The following TEK variants were observed in gnomAD, a reference collection of about 807,000 sequenced individuals.
TEK encodes the protein TEK receptor tyrosine kinase.
In TEK, 43 loss-of-function variants were observed where a neutral mutation model predicts 131.8. The ratio of observed to expected loss-of-function variants is 0.33; its 90% confidence interval spans 0.26 to 0.42. TEK has a LOEUF of 0.42. Ranked by LOEUF, TEK falls within the 10% of genes least tolerant of loss-of-function variation. The probability of loss-of-function intolerance (pLI) is 1.00; values close to 1 mark genes in which losing one functional copy is unlikely to be tolerated. For synonymous variants in TEK, 580 were observed against 491.6 expected (o/e 1.18, Z -2.38); for missense variants, 1,162 against 1,384.4 (o/e 0.84, Z 2.55).
At chr9:27,217,839 A>T in intron 19 of TEK, 81 bp downstream of exon 19, 1 of 1,277,660 alleles carries the variant, frequency 7.8e-7, no homozygotes, top group Non-Finnish European at 1.1e-6. Flanking sequence ...AAAAAGATAC[A>T]GGAATGTCCT....
intron 1 of TEK, among the ~76,000 whole-genome samples, chr9:27,126,189 T>G (rs1821981756): frequency 1.3e-5 from 2 of 152,184 alleles, no homozygotes; most frequent in East Asian, 3.9e-4. Context: ...GCTGATTCAT[T>G]AACATTGAAC....
In TEK at chr9:27,109,709, T is replaced by C. The variant is rs1821256117; in HGVS notation, c.52+67T>C. ...AACAGAGTTAGTGATTTCTGGGTGCTCTCCCCAAATCTCATCAGTGCTGAT... is the reference window on the plus strand; with the variant it reads ...AACAGAGTTAGTGATTTCTGGGTGCCCTCCCCAAATCTCATCAGTGCTGAT... On this transcript the variant is annotated intron_variant, in intron 1 of 22. Coordinates refer to ENST00000380036, the MANE Select transcript of TEK (RefSeq NM_000459.5). The C allele has an allele frequency of 2.0e-6, 3 of 1,504,800 alleles. No individual in the cohort carries two copies. The East Asian group carries it at 7.0e-5, about 35-fold the overall frequency. 93.2% of individuals were successfully genotyped at this position (1,504,800 alleles called of 1,614,324 possible).
intron 21 of TEK, among the ~76,000 whole-genome samples, chr9:27,227,555 G>A (rs1340821274): frequency 6.6e-6 from 1 of 152,182 alleles, no homozygotes; most frequent in Non-Finnish European, 1.5e-5. Flanking sequence ...GTGGCCATGA[G>A]CCATTTCCTA....
chr9:27,229,788 G>A lies in TEK; in HGVS notation c.*556G>A, dbSNP rs857. ...TCCCTCACCTGTAGCAGCCAGTCCC[G>A]TTTCATTTAGTCATGTGACCACTCT... On this transcript the variant is annotated 3_prime_UTR_variant, in exon 23 of 23. Coordinates refer to ENST00000380036, the MANE Select transcript of TEK (RefSeq NM_000459.5). 26,796 of 161,090 alleles carry A rather than the reference G, an allele frequency of 0.17. 2,367 individuals are homozygous for A. The highest frequency in any genetic ancestry group is 0.22 in the Admixed American group (3,806 of 17,280). 10.0% of individuals were successfully genotyped at this position (161,090 alleles called of 1,614,324 possible).
chr9:27,192,912 C>T (rs1213111492), intron 11 of TEK, among the ~76,000 whole-genome samples: 2 of 152,166 alleles, frequency 1.3e-5, no homozygotes, highest in Non-Finnish European at 2.9e-5. Flanking sequence ...AAGGCAGGGC[C>T]TCCCCTAGGA....
intron 1 of TEK, among the ~76,000 whole-genome samples, chr9:27,112,449 G>A (rs1168897351): frequency 3.3e-5 from 5 of 152,262 alleles, no homozygotes; most frequent in Middle Eastern, 3.4e-3. Context: ...TCCCTTCCAA[G>A]CATTGTCTTT....
intron 1 of TEK, among the ~76,000 whole-genome samples, chr9:27,116,140 A>G (rs1821549837): frequency 6.6e-6 from 1 of 152,138 alleles, no homozygotes; most frequent in Non-Finnish European, 1.5e-5. Context: ...TTGGTTGTAT[A>G]TGGAAGGTTG....
chr9:27,126,306 C>T (rs1434117232), intron 1 of TEK, among the ~76,000 whole-genome samples: 2 of 152,108 alleles, frequency 1.3e-5, no homozygotes, highest in African/African-American at 4.8e-5. Context: ...GGCACTTCAG[C>T]ACTAGACTTG....
Position 27,190,630 on chromosome 9 carries a change from A to C in TEK, c.1429A>C (p.Lys477Gln), listed in dbSNP as rs1330823411. ...SEPYFGDGPI[K>Q]SKKLLYKPVN... ...GCCTTACTTTGGGGATGGACCAATC[A>C]AATCCAAGAAGCTTCTATACAAACC... The change falls in exon 10 of 23, where the codon AAA (lysine) becomes CAA (glutamine). Residue 477 changes from lysine to glutamine, a missense_variant. Physicochemically the swap from Lys to Gln is moderately conservative, Grantham distance 53. Around this residue, in one of 6 missense-constraint regions of TEK, gnomAD observed 477 missense variants for 471.0 expected, o/e 1.01. Coordinates refer to ENST00000380036, the MANE Select transcript of TEK (RefSeq NM_000459.5). The C allele has an allele frequency of 9.9e-6, 16 of 1,613,940 alleles. No individual in the cohort carries two copies. The highest frequency in any genetic ancestry group is 1.7e-5 in the Admixed American group (1 of 59,976).
chr9:27,214,873 C>G (rs1379467635), intron 18 of TEK, among the ~76,000 whole-genome samples: 2 of 152,226 alleles, frequency 1.3e-5, no homozygotes, highest in Middle Eastern at 3.4e-3. Flanking sequence ...GCTTTTCTCC[C>G]TAACCTTTTC....
At chr9:27,223,259 C>T (rs139126287) in intron 21 of TEK, among the ~76,000 whole-genome samples, 5 of 151,830 alleles carry the variant, frequency 3.3e-5, no homozygotes, top group Admixed American at 2.6e-4. Flanking sequence ...TTGAATTCAG[C>T]TCTGGACCAA....
At chr9:27,123,068 A>AAAAAAAAAAC (rs1821857810) in intron 1 of TEK, among the ~76,000 whole-genome samples, 1 of 149,500 alleles carries the variant, frequency 6.7e-6, no homozygotes, top group East Asian at 1.9e-4. Context: ...AAAAAAAAAA[A>AAAAAAAAAAC]AAAAAAAAAA....
intron 1 of TEK, among the ~76,000 whole-genome samples, chr9:27,146,351 A>G (rs1391197742): frequency 6.6e-6 from 1 of 152,204 alleles, no homozygotes; most frequent in Non-Finnish European, 1.5e-5. Flanking sequence ...ACACTCATGT[A>G]TCTGCCACTA....
chr9:27,153,815 A>G (rs1050136773), intron 1 of TEK, among the ~76,000 whole-genome samples: 1 of 152,240 alleles, frequency 6.6e-6, no homozygotes, highest in African/African-American at 2.4e-5. Context: ...AGTGGCAGCC[A>G]TGCCTTTCAT....
intron 1 of TEK, among the ~76,000 whole-genome samples, chr9:27,121,514 AT>A (rs1343412346): frequency 6.7e-6 from 1 of 149,588 alleles, no homozygotes; most frequent in Non-Finnish European, 1.5e-5. Flanking sequence ...TTGTATACAT[AT>A]GTATTTTTAT....
intron 1 of TEK, among the ~76,000 whole-genome samples, chr9:27,139,548 T>C (rs1822641968): frequency 6.6e-6 from 1 of 151,924 alleles, no homozygotes. Context: ...AGTCTTGAAC[T>C]CCTGACCTTA....
chr9:27,161,875 C>G (rs1436753796), intron 2 of TEK, among the ~76,000 whole-genome samples: 1 of 152,162 alleles, frequency 6.6e-6, no homozygotes, highest in Non-Finnish European at 1.5e-5. Context: ...TAACTATTAC[C>G]AATTACATTA....
At chr9:27,159,521 G>A (rs537865756) in intron 2 of TEK, among the ~76,000 whole-genome samples, 2 of 152,210 alleles carry the variant, frequency 1.3e-5, no homozygotes, top group Non-Finnish European at 2.9e-5. Context: ...TTTAGCAGTC[G>A]AGTACCCAGG....
Position 27,185,505 on chromosome 9 carries a change from G to A in TEK, c.1203G>A (p.Thr401=), listed in dbSNP as rs774713473. ...TTCAGCCAAAAGACTTTAACCATAC[G>A]GATCATTTCTCAGTAGCCATATTCA... is the stretch of plus-strand genomic sequence containing the variant. ...TVLHPKDFNH[T]DHFSVAIFTI... Residue 401 remains threonine (T), a synonymous_variant, in exon 9 of 23, where the codon ACG becomes ACA. Coordinates refer to ENST00000380036, the MANE Select transcript of TEK (RefSeq NM_000459.5). 31 of 1,613,342 alleles carry A rather than the reference G, an allele frequency of 1.9e-5. No individual in the cohort carries two copies. Among genetic ancestry groups the A allele is most frequent in the Admixed American group, 8.3e-5 (5 of 59,936 alleles).
Sources: gnomAD v4.1 joint callset for allele counts (sites outside exome capture counted in the v4.1 genomes callset) on GRCh38, gnomAD v4.1.1 for gene constraint, gnomAD v4.1.1 regional missense constraint, MANE v1.5 for transcripts, NCBI Gene and HGNC (gene_info 2026-07-23, HGNC 2026-07-21) for gene names.